The following PMM2 variants were observed in gnomAD, a reference collection of about 807,000 sequenced individuals.
PMM2 encodes mannose-6-phosphate isomerase.
In PMM2, 35 loss-of-function variants were observed where a neutral mutation model predicts 33.2. The observed-to-expected ratio is 1.06, with a 90% CI of 0.81 to 1.40. The LOEUF is 1.40. Among genes scored for constraint, PMM2 ranks in the 40% most tolerant of loss-of-function variants. The pLI, the probability that PMM2 is intolerant of heterozygous loss-of-function variation, is 0.00. For missense variants in PMM2, 386 were observed against 306.0 expected, an observed-to-expected ratio of 1.26 and a Z score of -1.95; for synonymous variants, 153 against 114.7, an observed-to-expected ratio of 1.33 and a Z score of -2.13.
chr16:8,800,828 C>A (rs1055561016), intron 1 of PMM2, among the ~76,000 whole-genome samples: 1 of 152,142 alleles, frequency 6.6e-6, no homozygotes, highest in African/African-American at 2.4e-5. Context: ...GGACTACAGG[C>A]GCCCACCAGC....
intron 7 of PMM2, among the ~76,000 whole-genome samples, chr16:8,820,057 G>A (rs1209742111): frequency 6.6e-6 from 1 of 152,190 alleles, no homozygotes; most frequent in Non-Finnish European, 1.5e-5. Flanking sequence ...AATTAGCTGG[G>A]CGTGGTGGCG....
intron 7 of PMM2, among the ~76,000 whole-genome samples, chr16:8,818,029 G>C (rs749128838): frequency 6.6e-6 from 1 of 151,014 alleles, no homozygotes; most frequent in South Asian, 2.1e-4. Flanking sequence ...TCATCCTCCC[G>C]AGTAGCTTGG....
At position 8,806,404 on chromosome 16, in the gene PMM2, A is replaced by AG. The variant is rs1057516757; in HGVS notation, c.345dup (p.Arg116GlufsTer6). On this transcript the variant is annotated frameshift_variant, in exon 4 of 8. Transcript: ENST00000268261. LOFTEE classifies it high-confidence loss of function. ...ATTGCGAAAATTAAACTCCCGAAGAAGAGGTGGGTTTGCTTTTAACAAAGA... is the reference window on the plus strand; with the variant it reads ...ATTGCGAAAATTAAACTCCCGAAGAAGGAGGTGGGTTTGCTTTTAACAAAGA... The AG allele has an allele frequency of 1.9e-6, 3 of 1,608,692 alleles. No individual in the cohort carries two copies. The highest frequency in any genetic ancestry group is 2.6e-6 in the Non-Finnish European group (3 of 1,174,986).
At chr16:8,845,702 G>A (rs1044802236) in intron 7 of PMM2, among the ~76,000 whole-genome samples, 8 of 151,870 alleles carry the variant, frequency 5.3e-5, no homozygotes, top group African/African-American at 1.7e-4. Flanking sequence ...CCAAGCAGCT[G>A]GGATTACAGG....
chr16:8,817,977 C>T (rs1010317298), intron 7 of PMM2, among the ~76,000 whole-genome samples: 13 of 149,646 alleles, frequency 8.7e-5, no homozygotes, highest in African/African-American at 3.2e-4. Context: ...GATCTCGGCT[C>T]ACTGTAAGCT....
chr16:8,833,720 C>T (rs942927425), intron 7 of PMM2, among the ~76,000 whole-genome samples: 1 of 151,104 alleles, frequency 6.6e-6, no homozygotes, highest in African/African-American at 2.4e-5. Context: ...GGCCTGGATA[C>T]GGTTTTGGAT....
Position 8,848,027 on chromosome 16 carries a change from G to A in PMM2, c.*202G>A. 6.8e-6 allele frequency: 4 copies of A among 586,454 alleles called. No homozygotes were observed. In the South Asian group the frequency reaches 7.7e-5, roughly 11 times the overall value. 36.3% of individuals were successfully genotyped at this position (586,454 alleles called of 1,614,324 possible). On this transcript the variant is annotated 3_prime_UTR_variant, in exon 8 of 8. Coordinates refer to ENST00000268261, the MANE Select transcript of PMM2 (RefSeq NM_000303.3). The stretch of plus-strand genomic sequence containing the variant: ...AAGGAGAAAACTCTTGTCAAGAATG[G>A]CCCAGAGGAATGCCTCGCACAAAAG...
chr16:8,825,594 A>G lies in PMM2; in HGVS notation c.639+12488A>G, dbSNP rs868818585. Among the ~76,000 whole-genome samples the G allele has an allele frequency of 3.9e-5, 6 of 152,248 alleles. No homozygotes were observed. In the South Asian group the frequency reaches 1.2e-3, roughly 32 times the overall value. On this transcript the variant is annotated intron_variant, in intron 7 of 7. Coordinates refer to ENST00000268261, the MANE Select transcript of PMM2 (RefSeq NM_000303.3). Reference sequence around the variant, plus strand: ...CTCAGCCTCCCAAAGCGCTGGGATTACAGTTGTGAGCCACCACTCCTAGCC... The same window carrying G: ...CTCAGCCTCCCAAAGCGCTGGGATTGCAGTTGTGAGCCACCACTCCTAGCC...
rs376608995 is a variant in PMM2, at chr16:8,806,738, C to T, written c.347+331C>T. 6 of 348,512 alleles carry T rather than the reference C, an allele frequency of 1.7e-5. No individual in the cohort carries two copies. In the East Asian group the frequency reaches 2.5e-4, roughly 15 times the overall value. The allele number at this position is 348,512 out of a possible 1,614,324, so 21.6% of individuals were successfully genotyped here. A position where few individuals can be genotyped will look rare whatever the true frequency, so the allele number is the denominator to read the frequency against. ...AAAGCCAACAGTACAAGAATGATTA[C>T]GTAAATGATGGCTTATCCACATGAT... On this transcript the variant is annotated intron_variant, in intron 4 of 7. Coordinates refer to ENST00000268261, the MANE Select transcript of PMM2 (RefSeq NM_000303.3).
intron 7 of PMM2, among the ~76,000 whole-genome samples, chr16:8,815,701 A>G (rs2060704217): frequency 6.6e-6 from 1 of 152,198 alleles, no homozygotes; most frequent in South Asian, 2.1e-4. Context: ...ACTTAAACAC[A>G]GGACCTGAAA....
intron 6 of PMM2, among the ~76,000 whole-genome samples, chr16:8,812,125 A>G (rs1336408873): frequency 6.6e-6 from 1 of 152,220 alleles, no homozygotes; most frequent in African/African-American, 2.4e-5. Flanking sequence ...GGAATCATAG[A>G]ATGTTTCAAC....
rs1205209003 is a variant in PMM2 at position 8,847,814 on chromosome 16, C to G, written c.730C>G (p.Leu244Val). The G allele has an allele frequency of 3.1e-6, 5 of 1,612,462 alleles. No homozygotes were observed. The highest frequency in any genetic ancestry group is 4.2e-6 in the Non-Finnish European group (5 of 1,178,760). ...GGACACGCGCAGGATCTGTGAACTG[C>G]TGTTCTCCTAACGTGGGAGCGGGAG... ...PEDTRRICEL[L>V]FS is the part of the protein sequence containing the mutation. Residue 244 changes from leucine (L) to valine (V), a missense_variant, in exon 8 of 8, where the codon CTG (leucine) becomes GTG (valine). Coordinates refer to ENST00000268261, the MANE Select transcript of PMM2 (RefSeq NM_000303.3).
At chr16:8,835,229 A>G (rs2060837193) in intron 7 of PMM2, among the ~76,000 whole-genome samples, 1 of 151,596 alleles carries the variant, frequency 6.6e-6, no homozygotes, top group South Asian at 2.1e-4. Flanking sequence ...AACCATGCCT[A>G]GGAAGGAAGG....
intron 7 of PMM2, among the ~76,000 whole-genome samples, chr16:8,839,473 T>C (rs2060875043): frequency 6.6e-6 from 1 of 151,952 alleles, no homozygotes; most frequent in African/African-American, 2.4e-5. Context: ...TTTCATGGTG[T>C]ATGAGAAAAC....
Position 8,837,073 on chromosome 16 carries a change from C to G in PMM2, c.640-10651C>G, listed in dbSNP as rs560426894. The stretch of plus-strand genomic sequence containing the variant: ...GCTCAGCCTGGCGAGGAGGAGAGGT[C>G]AGATGGGTCTGTAGAAAAGGAATAT... On this transcript the variant is annotated intron_variant, in intron 7 of 7. Transcript: ENST00000268261. Among the ~76,000 whole-genome samples the G allele has an allele frequency of 2.0e-5, 3 of 151,900 alleles. No homozygotes were observed. In the South Asian group the frequency reaches 6.2e-4, roughly 32 times the overall value.
intron 7 of PMM2, among the ~76,000 whole-genome samples, chr16:8,840,053 C>T (rs1183250516): frequency 2.0e-5 from 3 of 151,570 alleles, no homozygotes; most frequent in South Asian, 2.1e-4. Context: ...AGATGTTGCC[C>T]AGTCTGTCTG....
intron 2 of PMM2, 64 bp from the exon 3 acceptor site, chr16:8,804,703 C>A: frequency 1.9e-6 from 2 of 1,078,750 alleles, no homozygotes; most frequent in South Asian, 1.3e-5. Flanking sequence ...CATTGTTAAT[C>A]AAGGAGTAAA....
chr16:8,820,852 G>A (rs2060735024), intron 7 of PMM2, among the ~76,000 whole-genome samples: 1 of 152,184 alleles, frequency 6.6e-6, no homozygotes, highest in Non-Finnish European at 1.5e-5. Context: ...AGAGATTGGA[G>A]CCTGCCAAGT....
chr16:8,826,068 T>G (rs1036723062), intron 7 of PMM2, among the ~76,000 whole-genome samples: 1 of 152,218 alleles, frequency 6.6e-6, no homozygotes, highest in African/African-American at 2.4e-5. Flanking sequence ...ACCCTATTAT[T>G]TTGATATATG....
Sources: gnomAD v4.1 joint callset for allele counts (sites outside exome capture counted in the v4.1 genomes callset) on GRCh38, gnomAD v4.1.1 for gene constraint, MANE v1.5 for transcripts, NCBI Gene and HGNC (gene_info 2026-07-23, HGNC 2026-07-21) for gene names.